The following SESTD1 variants were observed in gnomAD, a reference collection of about 807,000 sequenced individuals.
The protein encoded by SESTD1 is SEC14 and spectrin domain containing 1.
Under a neutral mutation model 101.7 loss-of-function variants are expected in SESTD1, and 43 were observed. The ratio of observed to expected loss-of-function variants is 0.42; its 90% CI spans 0.33 to 0.55. SESTD1 has a LOEUF of 0.55. Ranked by LOEUF, SESTD1 falls within the 20% of genes least tolerant of loss-of-function variation. The pLI is 0.07. For synonymous variants in SESTD1, 283 were observed against 286.8 expected, an observed-to-expected ratio of 0.99 and a Z score of 0.13; for missense variants, 647 against 815.1, an observed-to-expected ratio of 0.79 and a Z score of 2.51.
intron 2 of SESTD1, among the ~76,000 whole-genome samples, chr2:179,185,986 T>C (rs954474503): frequency 2.1e-5 from 3 of 142,840 alleles, no homozygotes; most frequent in Non-Finnish European, 3.0e-5. Flanking sequence ...TAGTATATTA[T>C]ATACAATATA....
chr2:179,256,834 A>G (rs1191240628), intron 1 of SESTD1, among the ~76,000 whole-genome samples: 1 of 148,756 alleles, frequency 6.7e-6, no homozygotes, highest in Admixed American at 6.7e-5. Flanking sequence ...AAAAAAACTG[A>G]CAGATGAGCA....
chr2:179,244,643 T>C (rs2047204246), intron 1 of SESTD1, among the ~76,000 whole-genome samples: 1 of 152,004 alleles, frequency 6.6e-6, no homozygotes. Context: ...TTTTCCAACA[T>C]ACATACCTCA....
In SESTD1 at chr2:179,152,624, C is replaced by T. The variant is rs143141143; in HGVS notation, c.370-1233G>A. ...CATACTGTATATGAAGTTATAATAT[C>T]AACAATAAATAAGGAGAAATTACCA... On this transcript the variant is annotated intron_variant, in intron 5 of 17. Coordinates refer to ENST00000428443, the MANE Select transcript of SESTD1 (RefSeq NM_178123.5). Among the ~76,000 whole-genome samples the T allele has an allele frequency of 2.0e-3, 306 of 152,128 alleles. 1 individual carries two copies. The highest frequency in any genetic ancestry group is 6.8e-3 in the African/African-American group (284 of 41,510).
chr2:179,199,387 C>A (rs1350660394), intron 1 of SESTD1, among the ~76,000 whole-genome samples: 1 of 152,188 alleles, frequency 6.6e-6, no homozygotes, highest in Non-Finnish European at 1.5e-5. Flanking sequence ...CAAGGAGGAA[C>A]TGGGACCATT....
intron 1 of SESTD1, among the ~76,000 whole-genome samples, chr2:179,230,189 G>T (rs1236289708): frequency 7.8e-6 from 1 of 127,618 alleles, no homozygotes; most frequent in Non-Finnish European, 1.6e-5. Context: ...GGTGGAATGC[G>T]GTAGCGCGAT....
chr2:179,221,330 G>A (rs2046811348), intron 1 of SESTD1, among the ~76,000 whole-genome samples: 2 of 151,560 alleles, frequency 1.3e-5, no homozygotes. Flanking sequence ...AAAAAAAATG[G>A]GGCTGGGTGC....
rs577613043 is a variant in SESTD1, at chr2:179,210,094, A to T, written c.-25-18228T>A. On this transcript the variant is annotated intron_variant, in intron 1 of 17. Transcript: ENST00000428443. ...ACACAAACTAGAAAACCCAGAGGAG[A>T]TGGGTAAATTCCTGGAAATATACAA... is the stretch of plus-strand genomic sequence containing the variant. Among the ~76,000 whole-genome samples the T allele has an allele frequency of 1.5e-5, 2 of 133,806 alleles. 1 individual carries two copies. The highest frequency in any genetic ancestry group is 5.8e-4 in the South Asian group (2 of 3,462). 87.8% of individuals were successfully genotyped at this position (133,806 alleles called of 152,430 possible).
rs377644411 is a variant in SESTD1 at position 179,154,967 on chromosome 2, C to T, written c.370-3576G>A. 1.6e-3 allele frequency among the ~76,000 whole-genome samples: 251 copies of T among 152,186 alleles called. 3 individuals carry two copies. Among genetic ancestry groups the T allele is most frequent in the African/African-American group, 5.9e-3 (244 of 41,528 alleles). Reference sequence around the variant, plus strand: ...TCAATAATCAATCATATCAGCAATCCGTATTACTGATTTCTAGCTCACTGT... The same window carrying T: ...TCAATAATCAATCATATCAGCAATCTGTATTACTGATTTCTAGCTCACTGT... On this transcript the variant is annotated intron_variant, in intron 5 of 17. Transcript: ENST00000428443.
intron 1 of SESTD1, among the ~76,000 whole-genome samples, chr2:179,240,285 T>G (rs963583337): frequency 6.6e-6 from 1 of 152,028 alleles, no homozygotes. Flanking sequence ...CAACAGAGAG[T>G]CACTGGAGGT....
chr2:179,198,375 T>C (rs1429174091), intron 1 of SESTD1, among the ~76,000 whole-genome samples: 2 of 152,186 alleles, frequency 1.3e-5, no homozygotes, highest in African/African-American at 2.4e-5. Flanking sequence ...AACACCCCAC[T>C]GTCAACATTA....
intron 5 of SESTD1, among the ~76,000 whole-genome samples, chr2:179,169,738 T>C (rs190085528): frequency 6.6e-6 from 1 of 151,988 alleles, no homozygotes; most frequent in African/African-American, 2.4e-5. Context: ...TCCCAGCACT[T>C]TGGGAGGCCG....
At chr2:179,238,253 A>C (rs994781696) in intron 1 of SESTD1, among the ~76,000 whole-genome samples, 3 of 152,176 alleles carry the variant, frequency 2.0e-5, no homozygotes, top group Admixed American at 6.6e-5. Flanking sequence ...CAGGGGTGAC[A>C]GATATAGAAG....
At chr2:179,239,615 C>A (rs761856402) in intron 1 of SESTD1, among the ~76,000 whole-genome samples, 2 of 152,068 alleles carry the variant, frequency 1.3e-5, no homozygotes, top group African/African-American at 2.4e-5. Context: ...GGGTTTAGAC[C>A]TAGGCACAGG....
At chr2:179,141,626 T>C (rs1198372104) in intron 9 of SESTD1, among the ~76,000 whole-genome samples, 3 of 152,082 alleles carry the variant, frequency 2.0e-5, no homozygotes, top group Non-Finnish European at 4.4e-5. Context: ...TCCTATTAAG[T>C]AGGTATTATT....
chr2:179,230,121 T>C lies in SESTD1; in HGVS notation c.-26+34378A>G, dbSNP rs1320661859. 5.0e-3 allele frequency among the ~76,000 whole-genome samples: 187 copies of C among 37,410 alleles called. 1 individual carries two copies. The African/African-American group carries it at 0.051, about 10-fold the overall frequency. The allele number at this position is 37,410 out of a possible 152,430, so 24.5% of individuals were successfully genotyped here. On this transcript the variant is annotated intron_variant, in intron 1 of 17. Transcript: ENST00000428443. ...CAAACTGGATTGTATCTCTTTTTTT[T>C]TTTTTTTTTTTTTTTTTTTTTTTTT... is the stretch of plus-strand genomic sequence containing the variant.
At position 179,178,115 on chromosome 2, in the gene SESTD1, T is replaced by C. The variant is rs138679762; in HGVS notation, c.165-1577A>G. Among the ~76,000 whole-genome samples, 566 of 152,312 alleles carry C rather than the reference T, an allele frequency of 3.7e-3. 6 individuals are homozygous for C. The highest frequency in any genetic ancestry group is 0.013 in the African/African-American group (534 of 41,578). ...CTGATAAAAATGTTCTGAAATTAGA[T>C]AGCATAATGGATGCACAACCTGTGA... On this transcript the variant is annotated intron_variant, in intron 3 of 17. Transcript: ENST00000428443.
intron 4 of SESTD1, among the ~76,000 whole-genome samples, chr2:179,173,962 TAA>T (rs1189493339): frequency 2.0e-5 from 3 of 152,110 alleles, no homozygotes; most frequent in Non-Finnish European, 2.9e-5. Flanking sequence ...CCTTTGGAGG[TAA>T]ACATGCACAC....
Position 179,122,174 on chromosome 2 carries a change from A to G in SESTD1, c.1283-245T>C, listed in dbSNP as rs180698523. On this transcript the variant is annotated intron_variant, in intron 12 of 17. Coordinates refer to ENST00000428443, the MANE Select transcript of SESTD1 (RefSeq NM_178123.5). ...TCTCCCTAAAGGGAATTTTGAAAAC[A>G]TGGGTTTCCATAGACAATAATTACT... 5.3e-5 allele frequency among the ~76,000 whole-genome samples: 8 copies of G among 152,348 alleles called. No individual in the cohort carries two copies. In the South Asian group the frequency reaches 8.3e-4, roughly 16 times the overall value.
chr2:179,140,561 T>C (rs1394413593), intron 9 of SESTD1, among the ~76,000 whole-genome samples: 1 of 152,220 alleles, frequency 6.6e-6, no homozygotes, highest in Non-Finnish European at 1.5e-5. Context: ...GTTAAATCAC[T>C]TAGTCTGTTT....
Sources: allele counts gnomAD v4.1 joint callset (sites outside exome capture counted in the v4.1 genomes callset), GRCh38; gene constraint gnomAD v4.1.1; transcripts MANE v1.5; gene names NCBI Gene and HGNC (gene_info 2026-07-23, HGNC 2026-07-21).